ATP11A: variants seen among roughly 807,000 people sequenced by gnomAD.
ATP11A encodes the protein phospholipid-transporting ATPase IH.
ATP11A carries 81 observed loss-of-function variants against 154.4 expected under a neutral mutation model. That is an observed-to-expected ratio of 0.52 (90% CI 0.44 to 0.63). The LOEUF (loss-of-function observed/expected upper bound fraction) is 0.63, where lower values mean the gene tolerates loss of function less well. ATP11A is among the 30% of genes least tolerant of loss of function. ATP11A has a pLI of 0.00. For missense variants in ATP11A, 1,316 were observed against 1,474.3 expected (o/e 0.89, Z 1.76); for synonymous variants, 623 against 585.9 (o/e 1.06, Z -0.91).
In ATP11A at chr13:112,875,709, A is replaced by G; in HGVS notation, c.3162-67A>G. ...AACTCCCTGAACAGACGGCCTCTCC[A>G]GTGAGTAGAGAGGCCAGCCCCAGGG... On this transcript the variant is annotated intron_variant, in intron 27 of 29. Transcript: ENST00000375645. The surrounding 1 kb of genome is among the most constrained non-coding windows in gnomAD (Gnocchi z 4.1). The G allele has an allele frequency of 1.9e-6, 3 of 1,541,922 alleles. No individual in the cohort carries two copies. The highest frequency in any genetic ancestry group is 2.7e-5 in the African/African-American group (2 of 73,546).
rs75610585 is a variant in ATP11A at position 112,795,777 on chromosome 13, A to C, written c.163-9180A>C. Among the ~76,000 whole-genome samples, 91 of 152,368 alleles carry C rather than the reference A, an allele frequency of 6.0e-4. No homozygotes were observed. In the East Asian group the frequency reaches 0.017, roughly 29 times the overall value. ...GTAACTGACTTTTTCATTGTGGCCC[A>C]TTTGAGAGAAAATATATCTTTCTCA... On this transcript the variant is annotated intron_variant, in intron 2 of 29. Transcript: ENST00000375645.
chr13:112,723,705 T>C (rs1396860979), intron 1 of ATP11A, among the ~76,000 whole-genome samples: 3 of 152,002 alleles, frequency 2.0e-5, no homozygotes, highest in African/African-American at 7.2e-5. Context: ...GTTTTTAAGA[T>C]TTTTCTGGGG....
chr13:112,779,986 A>G lies in ATP11A; in HGVS notation c.40-5149A>G, dbSNP rs557640998. Among the ~76,000 whole-genome samples the G allele has an allele frequency of 3.3e-5, 5 of 152,246 alleles. No homozygotes were observed. In the East Asian group the frequency reaches 7.7e-4, roughly 24 times the overall value. On this transcript the variant is annotated intron_variant, in intron 1 of 29. Coordinates refer to ENST00000375645, the MANE Select transcript of ATP11A (RefSeq NM_015205.3). ...ACTTGAGTCATTAAAGCATTAAACC[A>G]AAGGCAAGCTGAAAATCAGAGCAAG...
chr13:112,819,211 G>T, intron 6 of ATP11A, 93 bp from the exon 7 acceptor site: 1 of 1,007,896 alleles, frequency 9.9e-7, no homozygotes, highest in East Asian at 2.4e-5. Context: ...CATAGGGTCA[G>T]CCAGGCTTTG....
intron 29 of ATP11A, chr13:112,881,192 T>C: frequency 1.0e-6 from 1 of 989,406 alleles, no homozygotes; most frequent in African/African-American, 1.7e-5. Flanking sequence ...CGGCCCCTCA[T>C]CAGACAGATG....
At chr13:112,777,740 G>A (rs1260177750) in intron 1 of ATP11A, among the ~76,000 whole-genome samples, 1 of 152,210 alleles carries the variant, frequency 6.6e-6, no homozygotes, top group Non-Finnish European at 1.5e-5. Context: ...GCTGCCGGAA[G>A]GCTGCCAGGA....
chr13:112,882,900 A>G lies in ATP11A; in HGVS notation c.*1034A>G, dbSNP rs1013615569. 1.5e-5 allele frequency: 6 copies of G among 398,722 alleles called. No individual in the cohort carries two copies. Among genetic ancestry groups the G allele is most frequent in the African/African-American group, 1.0e-4 (5 of 48,574 alleles). The allele number at this position is 398,722 out of a possible 1,614,324, so 24.7% of individuals were successfully genotyped here. A position where few individuals can be genotyped will look rare whatever the true frequency, so the allele number is the denominator to read the frequency against. ...GTGCACCAGAACCTGTCTCGGGCTG[A>G]CGGGGGTGGCACACAGGACACGGGT... On this transcript the variant is annotated 3_prime_UTR_variant, in exon 30 of 30. Transcript: ENST00000375645. This position sits in a 1 kb window ranked among gnomAD's most constrained non-coding sequence, Gnocchi z 5.1.
At chr13:112,861,257 A>G (rs2080095706) in intron 24 of ATP11A, among the ~76,000 whole-genome samples, 1 of 152,230 alleles carries the variant, frequency 6.6e-6, no homozygotes, top group South Asian at 2.1e-4. Context: ...GCTACAATTC[A>G]AGACGAGATT....
At chr13:112,725,941 C>G (rs1889821722) in intron 1 of ATP11A, among the ~76,000 whole-genome samples, 2 of 152,246 alleles carry the variant, frequency 1.3e-5, no homozygotes, top group South Asian at 4.1e-4. Context: ...GAGCAAGGTG[C>G]TGGGGAGGGG....
chr13:112,854,272 C>G lies in ATP11A; in HGVS notation c.1992-7C>G. 5.0e-6 allele frequency: 8 copies of G among 1,613,716 alleles called. No individual in the cohort carries two copies. The highest frequency in any genetic ancestry group is 6.8e-6 in the Non-Finnish European group (8 of 1,179,814). ...CTCTATGCTGTGTTTGGTTTTGCCT[C>G]CCTCAGGCTGCAGGAGAAAGCTGCA... is the stretch of plus-strand genomic sequence containing the variant. On this transcript the variant is annotated splice_polypyrimidine_tract_variant and splice_region_variant and intron_variant, in intron 18 of 29. Coordinates refer to ENST00000375645, the MANE Select transcript of ATP11A (RefSeq NM_015205.3).
chr13:112,733,165 C>G (rs757124785), intron 1 of ATP11A, among the ~76,000 whole-genome samples: 13 of 152,196 alleles, frequency 8.5e-5, no homozygotes, highest in Non-Finnish European at 1.9e-4. Context: ...AACAAGGCAT[C>G]TGTTTTTCTC....
chr13:112,800,898 A>G (rs1006023394), intron 2 of ATP11A, among the ~76,000 whole-genome samples: 10 of 152,210 alleles, frequency 6.6e-5, no homozygotes, highest in Admixed American at 6.5e-4. Context: ...GAAAACTTAC[A>G]TGATTATATC....
chr13:112,867,040 C>T (rs557500275), intron 25 of ATP11A, among the ~76,000 whole-genome samples: 20 of 111,790 alleles, frequency 1.8e-4, no homozygotes, highest in Non-Finnish European at 2.7e-4. Context: ...GTTGGGCTTA[C>T]GTAAGCATCT....
chr13:112,824,463 G>C, intron 10 of ATP11A, 38 bp downstream of exon 10: 2 of 1,583,054 alleles, frequency 1.3e-6, no homozygotes, highest in Non-Finnish European at 1.7e-6. Flanking sequence ...CAACTTAAAA[G>C]TGTCATTACC....
Position 112,825,415 on chromosome 13 carries a change from G to T in ATP11A, c.873-15G>T. On this transcript the variant is annotated splice_polypyrimidine_tract_variant and intron_variant, in intron 10 of 29. Transcript: ENST00000375645. ...TCCTCAGGGACCAGTGATCACCTCT[G>T]TCCTTTTGTTTTAGATCGATGAATG... The T allele has an allele frequency of 1.2e-6, 2 of 1,602,796 alleles. No homozygotes were observed. The highest frequency in any genetic ancestry group is 1.7e-6 in the Non-Finnish European group (2 of 1,174,008).
chr13:112,758,986 A>G (rs1336998964), intron 1 of ATP11A, among the ~76,000 whole-genome samples: 1 of 152,234 alleles, frequency 6.6e-6, no homozygotes, highest in African/African-American at 2.4e-5. Context: ...TCATTGAACC[A>G]ATTCATTTAA....
chr13:112,826,687 C>A lies in ATP11A; in HGVS notation c.1024-7C>A. The A allele has an allele frequency of 6.2e-7, 1 of 1,613,942 alleles. No individual in the cohort carries two copies. Among genetic ancestry groups the A allele is most frequent in the South Asian group, 1.1e-5 (1 of 91,062 alleles). On this transcript the variant is annotated splice_region_variant and splice_polypyrimidine_tract_variant and intron_variant, in intron 11 of 29. Coordinates refer to ENST00000375645, the MANE Select transcript of ATP11A (RefSeq NM_015205.3). ...GAGGTGCTGACCCGCACCTTCTGCT[C>A]TTGCAGTTCCTCAAGGCATTCACGG...
At chr13:112,837,663 A>G (rs971800227) in intron 16 of ATP11A, among the ~76,000 whole-genome samples, 5 of 131,120 alleles carry the variant, frequency 3.8e-5, no homozygotes, top group Non-Finnish European at 7.8e-5. Flanking sequence ...GCAAACAACC[A>G]AACAGCCACT....
chr13:112,836,542 T>C (rs1040829394), intron 16 of ATP11A, among the ~76,000 whole-genome samples: 7 of 152,164 alleles, frequency 4.6e-5, no homozygotes, highest in Admixed American at 4.6e-4. Context: ...TTAATTCCAT[T>C]TGTGAAAGTT....
Sources: gnomAD v4.1 joint callset for allele counts (sites outside exome capture counted in the v4.1 genomes callset) on GRCh38, gnomAD v4.1.1 for gene constraint, Gnocchi (gnomAD v3.1) non-coding constraint, MANE v1.5 for transcripts, NCBI Gene and HGNC (gene_info 2026-07-23, HGNC 2026-07-21) for gene names.